Variants in TET2 observed in about 807,000 individuals in gnomAD.
TET2 encodes methylcytosine dioxygenase TET2.
A neutral mutation model predicts 142.9 loss-of-function variants in TET2; 299 were observed. That is an observed-to-expected ratio of 2.09 (90% CI 1.90 to 2.30). TET2 has a LOEUF of 2.30. Ranked by LOEUF, TET2 falls within the 30% of genes most tolerant of loss-of-function variation. The probability of loss-of-function intolerance (pLI) is 0.00; values close to 1 mark genes in which losing one functional copy is unlikely to be tolerated. For synonymous variants in TET2, 819 were observed against 849.0 expected (o/e 0.96, Z 0.61); for missense variants, 2,418 against 2,378.0 (o/e 1.02, Z -0.35).
intron 3 of TET2, chr4:105,241,024 G>A (rs185800541): frequency 9.5e-7 from 1 of 1,050,614 alleles, no homozygotes; most frequent in East Asian, 4.9e-5. Context: ...GATTGTAGTT[G>A]ATACTACATA....
intron 1 of TET2, among the ~76,000 whole-genome samples, chr4:105,170,478 C>A (rs1389843365): frequency 6.6e-6 from 1 of 152,172 alleles, no homozygotes; most frequent in Non-Finnish European, 1.5e-5. Flanking sequence ...GCCTGGTCAA[C>A]ACAGTGAGAA....
At chr4:105,149,267 A>G (rs928696827) in intron 1 of TET2, among the ~76,000 whole-genome samples, 4 of 152,210 alleles carry the variant, frequency 2.6e-5, no homozygotes, top group African/African-American at 4.8e-5. Flanking sequence ...CACTCAATAA[A>G]TAAGAATAAC....
In TET2 at chr4:105,212,817, C is replaced by T. The variant is rs532470076; in HGVS notation, c.-46-21080C>T. On this transcript the variant is annotated intron_variant, in intron 2 of 10. Transcript: ENST00000380013. ...CCAGCCTGGCCAACATGGTGAAACC[C>T]TGTCTCTACTAAAAATACAAAAACT... 6.6e-5 allele frequency among the ~76,000 whole-genome samples: 10 copies of T among 152,166 alleles called. No homozygotes were observed. The East Asian group carries it at 1.9e-3, about 29-fold the overall frequency.
chr4:105,269,664 C>T lies in TET2; in HGVS notation c.4099C>T (p.Pro1367Ser), dbSNP rs866084594. Residue 1367 changes from proline (P) to serine (S), a missense_variant, in exon 9 of 11, where the codon CCA becomes TCA. Transcript: ENST00000380013. ...CCGTCTGGGTCTGAAGGAAGGCCGT[C>T]CATTCTCAGGGGTCACTGCATGTTT... Reference protein sequence around the residue: ...ECRLGLKEGRPFSGVTACLDF... With the variant: ...ECRLGLKEGRSFSGVTACLDF... 6.4e-7 allele frequency: 1 copy of T among 1,551,638 alleles called. No individual in the cohort carries two copies. Among genetic ancestry groups the T allele is most frequent in the Non-Finnish European group, 8.7e-7 (1 of 1,146,936 alleles).
At chr4:105,264,728 T>A (rs1040493684) in intron 8 of TET2, among the ~76,000 whole-genome samples, 1 of 152,166 alleles carries the variant, frequency 6.6e-6, no homozygotes, top group Non-Finnish European at 1.5e-5. Context: ...TTCATCCATG[T>A]ATGTTAATAT....
intron 6 of TET2, among the ~76,000 whole-genome samples, chr4:105,244,797 G>A (rs1185265892): frequency 6.6e-6 from 1 of 152,084 alleles, no homozygotes; most frequent in Admixed American, 6.5e-5. Context: ...GTTTCTCCAT[G>A]TTGGTCAGGC....
At position 105,243,635 on chromosome 4, in the gene TET2, C is replaced by T. The variant is rs1729425595; in HGVS notation, c.3660C>T (p.Thr1220=). The change falls in exon 6 of 11, where the codon ACC becomes ACT. Residue 1220 remains threonine (T), a synonymous_variant. Coordinates refer to ENST00000380013, the MANE Select transcript of TET2 (RefSeq NM_001127208.3). ...TGGTGCGGGAGCGAGCTGGCCACACCTGTGAGGCTGCAGTGATTGTGATTC... is the reference window on the plus strand; with the variant it reads ...TGGTGCGGGAGCGAGCTGGCCACACTTGTGAGGCTGCAGTGATTGTGATTC... The part of the protein sequence containing the change: ...LCLVRERAGH[T]CEAAVIVILI... The T allele has an allele frequency of 1.3e-6, 2 of 1,551,570 alleles. No homozygotes were observed. The highest frequency in any genetic ancestry group is 2.0e-5 in the Admixed American group (1 of 50,998).
Position 105,261,849 on chromosome 4 carries a change from G to A in TET2, c.4044+1G>A. The A allele has an allele frequency of 2.6e-6, 4 of 1,527,418 alleles. No individual in the cohort carries two copies. The highest frequency in any genetic ancestry group is 1.2e-5 in the South Asian group (1 of 82,060). The allele number at this position is 1,527,418 out of a possible 1,614,324, so 94.6% of individuals were successfully genotyped here. Reference sequence around the variant, plus strand: ...TGCACCTGATGCATATAATAATCAGGTAAGTTTAAATAATCATTGGCAGCA... The same window carrying A: ...TGCACCTGATGCATATAATAATCAGATAAGTTTAAATAATCATTGGCAGCA... On this transcript the variant is annotated splice_donor_variant, in intron 8 of 10. Coordinates refer to ENST00000380013, the MANE Select transcript of TET2 (RefSeq NM_001127208.3). LOFTEE classifies it high-confidence loss of function.
At chr4:105,248,229 G>C (rs1729683745) in intron 6 of TET2, among the ~76,000 whole-genome samples, 1 of 152,164 alleles carries the variant, frequency 6.6e-6, no homozygotes, top group Non-Finnish European at 1.5e-5. Context: ...TCACCAGATA[G>C]TTTCACATCA....
chr4:105,177,248 G>A (rs1724852214), intron 1 of TET2, among the ~76,000 whole-genome samples: 1 of 152,096 alleles, frequency 6.6e-6, no homozygotes, highest in African/African-American at 2.4e-5. Flanking sequence ...AGCTCCAAAG[G>A]CACGATACAT....
chr4:105,267,761 A>G (rs933692973), intron 8 of TET2, among the ~76,000 whole-genome samples: 1 of 152,012 alleles, frequency 6.6e-6, no homozygotes, highest in Non-Finnish European at 1.5e-5. Flanking sequence ...ATATTGAAAA[A>G]AAAGCAAAAA....
At position 105,235,959 on chromosome 4, in the gene TET2, G is replaced by T. The variant is rs1362780489; in HGVS notation, c.2017G>T (p.Val673Leu). The change falls in exon 3 of 11, where the codon GTG (valine) becomes TTG (leucine). Residue 673 changes from valine to leucine, a missense_variant. By Grantham distance (32) the Val-to-Leu change is conservative (BLOSUM62 1). Transcript: ENST00000380013. Reference sequence around the variant, plus strand: ...AACAGACCATTTACCAAAAGCTCATGTGCAGTCACTGTGTGGCACTAGATT... The same window carrying T: ...AACAGACCATTTACCAAAAGCTCATTTGCAGTCACTGTGTGGCACTAGATT... Reference protein sequence around the residue: ...SKTDHLPKAHVQSLCGTRFHF... With the variant: ...SKTDHLPKAHLQSLCGTRFHF... The T allele has an allele frequency of 6.2e-7, 1 of 1,614,040 alleles. No individual in the cohort carries two copies. The highest frequency in any genetic ancestry group is 8.5e-7 in the Non-Finnish European group (1 of 1,180,026).
chr4:105,177,206 A>C (rs1340156388), intron 1 of TET2, among the ~76,000 whole-genome samples: 1 of 152,212 alleles, frequency 6.6e-6, no homozygotes, highest in Non-Finnish European at 1.5e-5. Flanking sequence ...ATCCTAGATG[A>C]CTTTGGTATG....
intron 2 of TET2, among the ~76,000 whole-genome samples, chr4:105,230,053 A>T (rs112033604): frequency 0.014 from 2,090 of 151,802 alleles, 46 homozygotes; most frequent in African/African-American, 0.044. Context: ...ATATATATAT[A>T]TTTTTTGAGA....
At chr4:105,237,409 C>T (rs1211756044) in intron 3 of TET2, 58 bp downstream of exon 3, 1 of 1,613,948 alleles carries the variant, frequency 6.2e-7, no homozygotes, top group Admixed American at 1.7e-5. Context: ...GCAAATTTAT[C>T]TTCAGATATG....
At chr4:105,193,341 T>C (rs1725897863) in intron 2 of TET2, among the ~76,000 whole-genome samples, 1 of 152,128 alleles carries the variant, frequency 6.6e-6, no homozygotes, top group African/African-American at 2.4e-5. Context: ...AAAGTTCATG[T>C]TGGCAAATAG....
At chr4:105,237,383 C>T (rs377102640) in intron 3 of TET2, 32 bp downstream of exon 3, 27 of 1,613,854 alleles carry the variant, frequency 1.7e-5, no homozygotes, top group East Asian at 8.9e-5. Flanking sequence ...AGACACATGG[C>T]GTTTATCCAG....
At chr4:105,204,955 T>C (rs1359177634) in intron 2 of TET2, among the ~76,000 whole-genome samples, 1 of 152,168 alleles carries the variant, frequency 6.6e-6, no homozygotes, top group Non-Finnish European at 1.5e-5. Context: ...TTTTTAAAAA[T>C]TACTTTTCCT....
chr4:105,151,513 A>G (rs1444884134), intron 1 of TET2, among the ~76,000 whole-genome samples: 1 of 150,954 alleles, frequency 6.6e-6, no homozygotes, highest in African/African-American at 2.4e-5. Context: ...TAATATATGT[A>G]AAAATAAATT....
Sources: allele counts gnomAD v4.1 joint callset (sites outside exome capture counted in the v4.1 genomes callset), GRCh38; gene constraint gnomAD v4.1.1; transcripts MANE v1.5; gene names NCBI Gene and HGNC (gene_info 2026-07-23, HGNC 2026-07-21).